Variants in PHACTR1 observed in about 807,000 individuals in gnomAD.
The protein encoded by PHACTR1 is RPEL repeat containing 1.
In PHACTR1, 16 loss-of-function variants were observed where a neutral mutation model predicts 69.2. That is an observed-to-expected ratio of 0.23 (90% CI 0.16 to 0.35). The LOEUF is 0.35. Ranked by LOEUF, PHACTR1 falls within the 10% of genes least tolerant of loss-of-function variation. PHACTR1 has a pLI of 1.00. For missense variants in PHACTR1, 510 were observed against 734.7 expected (o/e 0.69, Z 3.54); for synonymous variants, 312 against 284.5 (o/e 1.10, Z -0.97).
Position 13,247,259 on chromosome 6 carries a change from C to T in PHACTR1, c.1391+17066C>T, listed in dbSNP as rs73357177. On this transcript the variant is annotated intron_variant, in intron 10 of 14. Transcript: ENST00000332995. ...GGTTTGCCTCTCCTGTAAATCCAACCGTCCTTTCGACTGTTAGGATTTTCC... is the reference window on the plus strand; with the variant it reads ...GGTTTGCCTCTCCTGTAAATCCAACTGTCCTTTCGACTGTTAGGATTTTCC... 3.3e-3 allele frequency among the ~76,000 whole-genome samples: 496 copies of T among 151,948 alleles called. 3 individuals carry two copies. The highest frequency in any genetic ancestry group is 0.011 in the African/African-American group (473 of 41,414).
At chr6:12,907,634 C>A (rs1358233103) in intron 4 of PHACTR1, among the ~76,000 whole-genome samples, 1 of 152,176 alleles carries the variant, frequency 6.6e-6, no homozygotes, top group Non-Finnish European at 1.5e-5. Context: ...CAGAAGGAAC[C>A]TGGACATCTT....
intron 8 of PHACTR1, among the ~76,000 whole-genome samples, chr6:13,223,242 T>C (rs16873812): frequency 1.3e-5 from 2 of 152,184 alleles, no homozygotes; most frequent in East Asian, 3.8e-4. Flanking sequence ...GGTGGGAGTA[T>C]AATCAAGGTT....
intron 4 of PHACTR1, among the ~76,000 whole-genome samples, chr6:12,845,486 G>C (rs1193395546): frequency 8.8e-6 from 1 of 113,228 alleles, no homozygotes; most frequent in Non-Finnish European, 1.8e-5. Context: ...TGCAGCATCA[G>C]ATGGCAGCAT....
intron 5 of PHACTR1, among the ~76,000 whole-genome samples, chr6:13,058,181 G>C (rs1050596955): frequency 6.6e-6 from 1 of 152,170 alleles, no homozygotes; most frequent in African/African-American, 2.4e-5. Flanking sequence ...CTCTGAAATA[G>C]AACAGGCAGT....
intron 3 of PHACTR1, among the ~76,000 whole-genome samples, chr6:12,719,166 G>C (rs1207464065): frequency 1.3e-5 from 2 of 152,188 alleles, no homozygotes; most frequent in African/African-American, 2.4e-5. Context: ...TCCCCTTGGA[G>C]AATTTCCAGT....
chr6:12,788,123 A>C lies in PHACTR1; in HGVS notation c.250+38333A>C, dbSNP rs1306258124. On this transcript the variant is annotated intron_variant, in intron 4 of 14. Transcript: ENST00000332995. ...CAGTGAGCCAAGATCACGCCACTGC[A>C]CTCCAGCCTGGGTGACAGAATGAGA... 2.0e-5 allele frequency among the ~76,000 whole-genome samples: 3 copies of C among 151,328 alleles called. No homozygotes were observed. In the East Asian group the frequency reaches 5.8e-4, roughly 29 times the overall value.
At chr6:13,224,472 T>C (rs948897955) in intron 8 of PHACTR1, among the ~76,000 whole-genome samples, 1 of 152,204 alleles carries the variant, frequency 6.6e-6, no homozygotes, top group Non-Finnish European at 1.5e-5. Flanking sequence ...TTGGGCCAAA[T>C]TATGTAGGGT....
chr6:12,837,787 G>T (rs578165910), intron 4 of PHACTR1, among the ~76,000 whole-genome samples: 1 of 152,244 alleles, frequency 6.6e-6, no homozygotes, highest in Non-Finnish European at 1.5e-5. Flanking sequence ...TAACAAGCCA[G>T]TGACTGACAG....
chr6:13,129,939 A>G (rs1305707998), intron 5 of PHACTR1, among the ~76,000 whole-genome samples: 1 of 152,300 alleles, frequency 6.6e-6, no homozygotes, highest in East Asian at 1.9e-4. Context: ...AGAAAATTGA[A>G]AGTACCCCAA....
At chr6:13,103,037 C>T (rs1052587063) in intron 5 of PHACTR1, among the ~76,000 whole-genome samples, 1 of 152,092 alleles carries the variant, frequency 6.6e-6, no homozygotes. Flanking sequence ...CAGTTTGCCT[C>T]GGCTTGAATT....
At chr6:13,146,917 A>C (rs1024740872) in intron 5 of PHACTR1, among the ~76,000 whole-genome samples, 1 of 152,194 alleles carries the variant, frequency 6.6e-6, no homozygotes, top group Non-Finnish European at 1.5e-5. Flanking sequence ...ATCACAAAAA[A>C]ATTAGATGTT....
chr6:13,172,131 G>A (rs1760714832), intron 6 of PHACTR1, among the ~76,000 whole-genome samples: 1 of 152,160 alleles, frequency 6.6e-6, no homozygotes, highest in South Asian at 2.1e-4. Context: ...AATGATGAAA[G>A]AGGCCCCTTT....
intron 3 of PHACTR1, among the ~76,000 whole-genome samples, chr6:12,739,263 C>A (rs1174029400): frequency 1.3e-5 from 2 of 151,932 alleles, no homozygotes; most frequent in South Asian, 2.1e-4. Flanking sequence ...AATGCTGGGA[C>A]CTGAATCTTT....
chr6:12,867,774 G>GT (rs1366989871), intron 4 of PHACTR1, among the ~76,000 whole-genome samples: 2 of 151,958 alleles, frequency 1.3e-5, no homozygotes, highest in African/African-American at 4.8e-5. Context: ...TATTTGTTGG[G>GT]TTTTTTTCCT....
intron 5 of PHACTR1, among the ~76,000 whole-genome samples, chr6:13,151,857 T>A (rs1239594762): frequency 6.6e-6 from 1 of 152,150 alleles, no homozygotes; most frequent in Admixed American, 6.6e-5. Context: ...TGAAAAGGAC[T>A]GTTTTCTCTT....
At chr6:12,932,685 T>C (rs1192211666) in intron 4 of PHACTR1, among the ~76,000 whole-genome samples, 1 of 152,220 alleles carries the variant, frequency 6.6e-6, no homozygotes, top group Non-Finnish European at 1.5e-5. Context: ...TATCTTTTAA[T>C]TCCGAATGAT....
chr6:13,068,545 A>G (rs1348482257), intron 5 of PHACTR1, among the ~76,000 whole-genome samples: 2 of 152,154 alleles, frequency 1.3e-5, no homozygotes, highest in Non-Finnish European at 1.5e-5. Flanking sequence ...CATGATTCTG[A>G]TAAGCTTTTC....
Position 12,934,987 on chromosome 6 carries a change from C to T in PHACTR1, c.251-118378C>T, listed in dbSNP as rs909941404. Among the ~76,000 whole-genome samples, 4 of 152,302 alleles carry T rather than the reference C, an allele frequency of 2.6e-5. No homozygotes were observed. The East Asian group carries it at 5.8e-4, about 22-fold the overall frequency. Reference sequence around the variant, plus strand: ...CTCTATCCCTCACCAGGTCATGTACCATCAACTCTCTGTGCCTCACTTTCT... The same window carrying T: ...CTCTATCCCTCACCAGGTCATGTACTATCAACTCTCTGTGCCTCACTTTCT... On this transcript the variant is annotated intron_variant, in intron 4 of 14. Coordinates refer to ENST00000332995, the MANE Select transcript of PHACTR1 (RefSeq NM_030948.6).
intron 4 of PHACTR1, among the ~76,000 whole-genome samples, chr6:12,814,098 G>A (rs1775315803): frequency 6.6e-6 from 1 of 152,208 alleles, no homozygotes; most frequent in African/African-American, 2.4e-5. Context: ...GCTCCTGGGT[G>A]TCAGGTGGAA....
Sources: gnomAD v4.1 joint callset for allele counts (sites outside exome capture counted in the v4.1 genomes callset) on GRCh38, gnomAD v4.1.1 for gene constraint, MANE v1.5 for transcripts, NCBI Gene and HGNC (gene_info 2026-07-23, HGNC 2026-07-21) for gene names.